Variants in RIF1 observed in about 807,000 individuals in gnomAD.
RIF1 encodes telomere-associated protein RIF1.
In RIF1, 45 loss-of-function variants were observed where a neutral mutation model predicts 247.1. That is an observed-to-expected ratio of 0.18 (90% CI 0.14 to 0.23). The LOEUF (loss-of-function observed/expected upper bound fraction) is 0.23. RIF1 is among the 10% of genes least tolerant of loss of function. The pLI is 1.00. For missense variants in RIF1, 2,967 were observed against 2,862.5 expected (o/e 1.04, Z -0.83); for synonymous variants, 1,087 against 978.8 (o/e 1.11, Z -2.06).
chr2:151,446,871 G>A (rs1024402235), intron 20 of RIF1, among the ~76,000 whole-genome samples: 5 of 151,172 alleles, frequency 3.3e-5, no homozygotes, highest in African/African-American at 7.3e-5. Flanking sequence ...TTTCTCATAC[G>A]TATCTGTTAG....
chr2:151,531,044 C>T, the RIF1 span: 6 of 1,613,412 alleles, frequency 3.7e-6, no homozygotes, highest in Middle Eastern at 1.6e-4. Context: ...ATGGGTGTGT[C>T]GTGGATTGTG....
intron 6 of RIF1, among the ~76,000 whole-genome samples, chr2:151,418,051 G>A (rs952509542): frequency 6.6e-6 from 1 of 152,166 alleles, no homozygotes; most frequent in African/African-American, 2.4e-5. Flanking sequence ...GGAGGTTTTA[G>A]GACTGAAGGT....
intron 20 of RIF1, among the ~76,000 whole-genome samples, chr2:151,446,988 GGCTGGAGT>G (rs1693395840): frequency 7.0e-6 from 1 of 143,468 alleles, no homozygotes; most frequent in Non-Finnish European, 1.5e-5. Context: ...CTGTCGCCCA[GGCTGGAGT>G]GCAGTGGCGC....
intron 11 of RIF1, among the ~76,000 whole-genome samples, chr2:151,499,847 A>T (rs9287979): frequency 6.6e-6 from 1 of 151,978 alleles, no homozygotes; most frequent in African/African-American, 2.4e-5. Flanking sequence ...GAGATGGTCA[A>T]GTATAGAGGT....
rs1302257103 is a variant in RIF1 at position 151,480,233 on chromosome 2, A to G, written c.*5162A>G. On this transcript the variant is annotated 3_prime_UTR_variant, in exon 36 of 36. Coordinates refer to ENST00000444746, the MANE Select transcript of RIF1 (RefSeq NM_018151.5). ...TTCCATTGTTGATGTCACAAGTAAG[A>G]AAAAAACTCTAACTTTTGTACTCTA... 2.0e-5 allele frequency: 3 copies of G among 152,180 alleles called. No homozygotes were observed. Among genetic ancestry groups the G allele is most frequent in the Non-Finnish European group, 4.4e-5 (3 of 68,020 alleles). The allele number at this position is 152,180 out of a possible 1,614,324, so 9.4% of individuals were successfully genotyped here.
At position 151,468,526 on chromosome 2, in the gene RIF1, A is replaced by C. The variant is rs748894972; in HGVS notation, c.6800A>C (p.Lys2267Thr). Residue 2267 changes from lysine (K) to threonine (T), a missense_variant, in exon 32 of 36, where the codon AAA becomes ACA. Physicochemically the swap from Lys to Thr is moderately conservative, Grantham distance 78. Coordinates refer to ENST00000444746, the MANE Select transcript of RIF1 (RefSeq NM_018151.5). ...GFLSPGSRSP[K>T]FKSSKKCLIS... ...CTGTCCCCAGGATCACGTAGCCCTAAATTTAAGAGCTCAAAGAAGTGTTTA... is the reference window on the plus strand; with the variant it reads ...CTGTCCCCAGGATCACGTAGCCCTACATTTAAGAGCTCAAAGAAGTGTTTA... The C allele has an allele frequency of 6.2e-6, 10 of 1,613,564 alleles. No individual in the cohort carries two copies. The highest frequency in any genetic ancestry group is 8.5e-6 in the Non-Finnish European group (10 of 1,179,496).
chr2:151,463,515 T>C lies in RIF1; in HGVS notation c.3995T>C (p.Leu1332Pro), dbSNP rs750904902. 6.2e-7 allele frequency: 1 copy of C among 1,614,108 alleles called. No homozygotes were observed. Among genetic ancestry groups the C allele is most frequent in the Non-Finnish European group, 8.5e-7 (1 of 1,179,992 alleles). ...VVLENNPPGLLNQTECVSDNQ... is the reference protein window; with the variant it reads ...VVLENNPPGLPNQTECVSDNQ... Reference sequence around the variant, plus strand: ...TTAGAAAATAACCCACCTGGTTTGCTTAATCAAACAGAATGTGTGTCAGAT... The same window carrying C: ...TTAGAAAATAACCCACCTGGTTTGCCTAATCAAACAGAATGTGTGTCAGAT... Residue 1332 changes from leucine to proline, a missense_variant, in exon 30 of 36, where the codon CTT (leucine) becomes CCT (proline). Physicochemically the swap from Leu to Pro is moderately conservative, Grantham distance 98. Around this residue, in one of 7 missense-constraint regions of RIF1, gnomAD observed 2,028 missense variants for 1,825.6 expected, o/e 1.11. Coordinates refer to ENST00000444746, the MANE Select transcript of RIF1 (RefSeq NM_018151.5).
chr2:151,467,696 C>G (rs1697167072), intron 30 of RIF1, among the ~76,000 whole-genome samples: 1 of 152,118 alleles, frequency 6.6e-6, no homozygotes, highest in Admixed American at 6.6e-5. Context: ...CATAAAGTTC[C>G]TAGAATCAGA....
In RIF1 at chr2:151,462,755, G is replaced by C. The variant is rs1469256173; in HGVS notation, c.3364-129G>C. On this transcript the variant is annotated intron_variant, in intron 29 of 35. Transcript: ENST00000444746. Reference sequence around the variant, plus strand: ...ATCTACCACTAACTTTGGAATAGTTGCCATATATTGAATGTCAGTGATTAT... The same window carrying C: ...ATCTACCACTAACTTTGGAATAGTTCCCATATATTGAATGTCAGTGATTAT... 4 of 666,954 alleles carry C rather than the reference G, an allele frequency of 6.0e-6. No homozygotes were observed. In the Admixed American group the frequency reaches 9.5e-5, roughly 16 times the overall value. The allele number at this position is 666,954 out of a possible 1,614,324, so 41.3% of individuals were successfully genotyped here.
rs114742789 is a variant in RIF1 at position 151,441,274 on chromosome 2, C to T, written c.1648-631C>T. 7.4e-3 allele frequency among the ~76,000 whole-genome samples: 1,133 copies of T among 152,214 alleles called. 18 individuals are homozygous for T. The highest frequency in any genetic ancestry group is 0.026 in the African/African-American group (1,075 of 41,530). On this transcript the variant is annotated intron_variant, in intron 15 of 35. Coordinates refer to ENST00000444746, the MANE Select transcript of RIF1 (RefSeq NM_018151.5). ...TTTTTGGAGAGCAATTTGGTAGGCT[C>T]AGTCAGTTTGATTTAGCAATCTTAG...
the RIF1 span, chr2:151,519,026 G>A: frequency 6.2e-7 from 1 of 1,613,734 alleles, no homozygotes; most frequent in East Asian, 2.2e-5. Flanking sequence ...CTTCATGTCA[G>A]TCACGGGTTT....
intron 18 of RIF1, 47 bp downstream of exon 18, chr2:151,443,756 TTTG>T (rs1225959359): frequency 3.4e-6 from 4 of 1,191,988 alleles, no homozygotes; most frequent in Admixed American, 2.9e-5. Flanking sequence ...ACCTTTTTTT[TTTG>T]TTAGTGCAGT....
At chr2:151,438,845 A>G in intron 14 of RIF1, 99 bp downstream of exon 14, 2 of 728,564 alleles carry the variant, frequency 2.7e-6, no homozygotes, top group Non-Finnish European at 4.8e-6. Flanking sequence ...TATAAAATTT[A>G]TTTTAAAAGT....
At chr2:151,484,370 C>T (rs1337782715), downstream of RIF1, among the ~76,000 whole-genome samples, 3 of 152,168 alleles carry the variant, frequency 2.0e-5, no homozygotes, top group South Asian at 2.1e-4. Context: ...CTGAGGTGGT[C>T]GGATCACCTG....
rs180876021 is a variant in RIF1 at position 151,455,265 on chromosome 2, A to G, written c.2609+106A>G. ...TGTGTTGTAGATGGTAGTCTTGACA[A>G]TTTTGTGGAGAGGATAATAAACTAC... On this transcript the variant is annotated intron_variant, in intron 22 of 35. Coordinates refer to ENST00000444746, the MANE Select transcript of RIF1 (RefSeq NM_018151.5). The G allele has an allele frequency of 4.9e-4, 369 of 746,834 alleles. 2 individuals carry two copies. Among genetic ancestry groups the G allele is most frequent in the African/African-American group, 4.8e-3 (270 of 56,044 alleles). The allele number at this position is 746,834 out of a possible 1,614,324, so 46.3% of individuals were successfully genotyped here.
downstream of RIF1, among the ~76,000 whole-genome samples, chr2:151,483,635 T>C (rs1430878669): frequency 2.0e-5 from 3 of 152,176 alleles, no homozygotes; most frequent in African/African-American, 7.2e-5. Context: ...AATGACCTAA[T>C]ATTAGCATAT....
chr2:151,511,452 G>GATC (rs1181874678), downstream of RIF1, among the ~76,000 whole-genome samples: 2 of 152,152 alleles, frequency 1.3e-5, no homozygotes, highest in African/African-American at 4.8e-5. Flanking sequence ...GTCATTAAGA[G>GATC]ATCATCTGTG....
intron 31 of RIF1, 121 bp downstream of exon 31, chr2:151,468,267 T>G: frequency 1.9e-6 from 2 of 1,043,258 alleles, no homozygotes; most frequent in Admixed American, 2.7e-5. Context: ...AATATATTCT[T>G]TTGTCTGGTA....
chr2:151,428,035 G>A (rs536313852), intron 8 of RIF1, among the ~76,000 whole-genome samples: 349 of 152,110 alleles, frequency 2.3e-3, no homozygotes, highest in Non-Finnish European at 3.6e-3. Flanking sequence ...CCAGCCGGGT[G>A]ACAGAGCAAG....
Sources: allele counts gnomAD v4.1 joint callset (sites outside exome capture counted in the v4.1 genomes callset), GRCh38; gene constraint gnomAD v4.1.1; regional missense constraint gnomAD v4.1.1; transcripts MANE v1.5; gene names NCBI Gene and HGNC (gene_info 2026-07-23, HGNC 2026-07-21).